The following PATJ variants were observed in gnomAD, a reference collection of about 807,000 sequenced individuals.
PATJ encodes the protein inaD-like protein.
Under a neutral mutation model 224.9 loss-of-function variants are expected in PATJ, and 190 were observed. That is an observed-to-expected ratio of 0.84 (90% CI 0.75 to 0.95). The LOEUF is 0.95. Among genes scored for constraint, PATJ ranks in the 40% least tolerant of loss-of-function variants. PATJ has a pLI of 0.00. For synonymous variants in PATJ, 769 were observed against 820.3 expected (o/e 0.94, Z 1.07); for missense variants, 2,121 against 2,270.3 (o/e 0.93, Z 1.34).
chr1:61,748,412 G>A (rs970677341), intron 1 of PATJ, among the ~76,000 whole-genome samples: 2 of 149,654 alleles, frequency 1.3e-5, no homozygotes, highest in East Asian at 2.0e-4. Context: ...GCACCACCAC[G>A]TCTGGCTAAT....
chr1:61,951,633 A>AT (rs200761524), intron 27 of PATJ, among the ~76,000 whole-genome samples: 3,138 of 149,428 alleles, frequency 0.021, 82 homozygotes, highest in African/African-American at 0.054. Context: ...CTGAAGCTAC[A>AT]TTTTTTTTTT....
chr1:61,860,562 G>A (rs1027043194), intron 18 of PATJ, among the ~76,000 whole-genome samples: 3 of 152,092 alleles, frequency 2.0e-5, no homozygotes, highest in African/African-American at 7.2e-5. Context: ...GGTGGCTCAC[G>A]CCTGTAGTCC....
rs555204320 is a variant in PATJ, at chr1:62,037,922, G to A, written c.3960-55G>A. 1.3e-4 allele frequency: 145 copies of A among 1,077,088 alleles called. No homozygotes were observed. The South Asian group carries it at 2.5e-3, about 18-fold the overall frequency. 66.7% of individuals were successfully genotyped at this position (1,077,088 alleles called of 1,614,324 possible). A position where few individuals can be genotyped will look rare whatever the true frequency, so the allele number is the denominator to read the frequency against. ...AACTGAGGAAGTATTTATAATTTGA[G>A]CCAGGAACTTAGCATTTACTGTGTA... On this transcript the variant is annotated intron_variant, in intron 29 of 43. Coordinates refer to ENST00000642238, the MANE Select transcript of PATJ (RefSeq NM_001350145.3).
At chr1:61,760,171 C>T (rs1645884935) in intron 1 of PATJ, among the ~76,000 whole-genome samples, 1 of 152,166 alleles carries the variant, frequency 6.6e-6, no homozygotes. Context: ...AGTTGAGATG[C>T]TGAGCACATC....
intron 1 of PATJ, among the ~76,000 whole-genome samples, chr1:61,752,311 CTTTTTT>C (rs370759266): frequency 1.6e-5 from 2 of 124,018 alleles, no homozygotes; most frequent in Non-Finnish European, 1.6e-5. Context: ...TCATTTCTTT[CTTTTTT>C]TTTTTTTTTT....
intron 20 of PATJ, among the ~76,000 whole-genome samples, chr1:61,867,629 A>C (rs1384333932): frequency 6.8e-6 from 1 of 147,216 alleles, no homozygotes; most frequent in Non-Finnish European, 1.5e-5. Context: ...TAACCTCTAT[A>C]GGCTCCCCAA....
intron 28 of PATJ, among the ~76,000 whole-genome samples, chr1:62,007,107 G>A (rs1396555800): frequency 1.3e-5 from 2 of 152,186 alleles, no homozygotes; most frequent in Non-Finnish European, 2.9e-5. Context: ...GCATTATTAT[G>A]TGGCACCTGA....
chr1:61,767,973 TTCTA>T (rs1646384406), intron 4 of PATJ, among the ~76,000 whole-genome samples: 1 of 151,772 alleles, frequency 6.6e-6, no homozygotes, highest in Non-Finnish European at 1.5e-5. Context: ...GCCGGGCCAG[TTCTA>T]TCTCTTTCAT....
intron 41 of PATJ, among the ~76,000 whole-genome samples, chr1:62,132,543 C>T (rs981156706): frequency 1.3e-5 from 2 of 151,980 alleles, no homozygotes; most frequent in Non-Finnish European, 2.9e-5. Flanking sequence ...GAGTAAGAAT[C>T]TGTAATGGGG....
intron 17 of PATJ, among the ~76,000 whole-genome samples, chr1:61,836,215 G>A (rs372421090): frequency 4.9e-4 from 74 of 152,248 alleles, no homozygotes; most frequent in African/African-American, 1.6e-3. Flanking sequence ...TTGCATTCCT[G>A]TAGGTATGTA....
In PATJ at chr1:61,867,861, T is replaced by C. The variant is rs1203208083; in HGVS notation, c.2835+3228T>C. ...ATTTATCTAATAATATTATCTAATA[T>C]TATAAGCTCTGAGAAGATTTTAAAA... On this transcript the variant is annotated intron_variant, in intron 20 of 43. Transcript: ENST00000642238. Among the ~76,000 whole-genome samples, 6 of 152,292 alleles carry C rather than the reference T, an allele frequency of 3.9e-5. No individual in the cohort carries two copies. The East Asian group carries it at 1.2e-3, about 29-fold the overall frequency.
intron 27 of PATJ, among the ~76,000 whole-genome samples, chr1:61,984,569 A>G (rs1363968894): frequency 6.6e-6 from 1 of 152,060 alleles, no homozygotes; most frequent in Non-Finnish European, 1.5e-5. Context: ...ATAAAAAGAA[A>G]TTAAGGAAAG....
At chr1:62,003,466 T>G (rs1332109179) in intron 28 of PATJ, among the ~76,000 whole-genome samples, 1 of 152,216 alleles carries the variant, frequency 6.6e-6, no homozygotes. Context: ...TCTCTCATCT[T>G]TAAGCCTTTT....
At chr1:61,900,643 G>T (rs568895143) in intron 23 of PATJ, among the ~76,000 whole-genome samples, 2 of 152,062 alleles carry the variant, frequency 1.3e-5, no homozygotes, top group East Asian at 1.9e-4. Context: ...GGGCTGGAGT[G>T]CAGTGGCGCA....
At chr1:61,897,728 G>A (rs1335818633) in intron 22 of PATJ, among the ~76,000 whole-genome samples, 1 of 152,116 alleles carries the variant, frequency 6.6e-6, no homozygotes, top group Non-Finnish European at 1.5e-5. Flanking sequence ...CTGAAAGAAA[G>A]TCTAGAAAAT....
rs375877279 is a variant in PATJ, at chr1:61,861,597, A to G, written c.2369A>G (p.Asn790Ser). The change falls in exon 19 of 44, where the codon AAT becomes AGT. Residue 790 changes from asparagine (N) to serine (S), a missense_variant. Transcript: ENST00000642238. The stretch of plus-strand genomic sequence containing the variant: ...TGTTATATTTTACATTCAAGCAGTA[A>G]TGAAGACAAGACTGAATTTTCAGGA... ...ESCYILHSSS[N>S]EDKTEFSGTI... is the part of the protein sequence containing the mutation. 6.7e-7 allele frequency: 1 copy of G among 1,500,286 alleles called. No homozygotes were observed. The highest frequency in any genetic ancestry group is 9.0e-7 in the Non-Finnish European group (1 of 1,114,072). The allele number at this position is 1,500,286 out of a possible 1,614,324, so 92.9% of individuals were successfully genotyped here. A position where few individuals can be genotyped will look rare whatever the true frequency, so the allele number is the denominator to read the frequency against.
chr1:61,756,953 CTT>C (rs1645681069), intron 1 of PATJ, among the ~76,000 whole-genome samples: 1 of 151,912 alleles, frequency 6.6e-6, no homozygotes, highest in South Asian at 2.1e-4. Context: ...ATTAGTCACT[CTT>C]TATGATTTCT....
intron 30 of PATJ, among the ~76,000 whole-genome samples, chr1:62,045,470 C>G (rs1558088233): frequency 6.6e-6 from 1 of 152,180 alleles, no homozygotes; most frequent in Non-Finnish European, 1.5e-5. Flanking sequence ...GAATTTGGAA[C>G]TTCCTAAAGG....
intron 27 of PATJ, among the ~76,000 whole-genome samples, chr1:61,954,019 T>A (rs1402445393): frequency 6.6e-6 from 1 of 152,220 alleles, no homozygotes; most frequent in Admixed American, 6.5e-5. Context: ...TGAACTAATA[T>A]ATAAACTCAC....
Sources: allele counts gnomAD v4.1 joint callset (sites outside exome capture counted in the v4.1 genomes callset), GRCh38; gene constraint gnomAD v4.1.1; transcripts MANE v1.5; gene names NCBI Gene and HGNC (gene_info 2026-07-23, HGNC 2026-07-21).